DSCAM: variants seen among roughly 807,000 people sequenced by gnomAD.
DSCAM encodes the protein DS cell adhesion molecule, also known as cell adhesion molecule DSCAM.
DSCAM carries 47 observed loss-of-function variants against 217.7 expected under a neutral mutation model. That is an observed-to-expected ratio of 0.22 (90% confidence interval 0.17 to 0.28). The LOEUF (loss-of-function observed/expected upper bound fraction) is 0.28. DSCAM is among the 10% of genes least tolerant of loss of function. The pLI, the probability that DSCAM is intolerant of heterozygous loss-of-function variation, is 1.00. For synonymous variants in DSCAM, 1,056 were observed against 1,015.3 expected, an observed-to-expected ratio of 1.04 and a Z score of -0.76; for missense variants, 2,080 against 2,618.3, an observed-to-expected ratio of 0.79 and a Z score of 4.49.
chr21:40,271,627 C>A (rs979058574), intron 11 of DSCAM, among the ~76,000 whole-genome samples: 3 of 152,170 alleles, frequency 2.0e-5, no homozygotes, highest in African/African-American at 7.2e-5. Context: ...AAGCTGGGAA[C>A]TGGGTCACGC....
chr21:40,409,007 A>G (rs2075301156), intron 3 of DSCAM, among the ~76,000 whole-genome samples: 1 of 152,240 alleles, frequency 6.6e-6, no homozygotes, highest in East Asian at 1.9e-4. Flanking sequence ...AAATCACTAA[A>G]TATTTATTTG....
At chr21:40,828,796 C>T (rs1228220981) in intron 1 of DSCAM, among the ~76,000 whole-genome samples, 1 of 152,044 alleles carries the variant, frequency 6.6e-6, no homozygotes, top group African/African-American at 2.4e-5. Flanking sequence ...GCTGGGACTA[C>T]AGGCACATGC....
intron 14 of DSCAM, among the ~76,000 whole-genome samples, chr21:40,182,671 GGGGGGGGTTACCAGAGA>G: frequency 2.3e-5 from 1 of 43,804 alleles, no homozygotes; most frequent in South Asian, 8.9e-4. Context: ...ACCGTGGACA[GGGGGGGGTTACCAGAGA>G]AACCGTGGAC....
intron 3 of DSCAM, among the ~76,000 whole-genome samples, chr21:40,509,775 A>G (rs1430431450): frequency 6.6e-6 from 1 of 152,250 alleles, no homozygotes; most frequent in Admixed American, 6.5e-5. Context: ...GCATTCTGAA[A>G]CCAAACAAAA....
intron 15 of DSCAM, among the ~76,000 whole-genome samples, chr21:40,176,828 C>G (rs1363161285): frequency 6.6e-6 from 1 of 152,244 alleles, no homozygotes; most frequent in Non-Finnish European, 1.5e-5. Context: ...GGCAGCTGCC[C>G]TGCAGACCAG....
intron 30 of DSCAM, among the ~76,000 whole-genome samples, chr21:40,051,543 T>C (rs8133326): frequency 0.45 from 68,597 of 152,006 alleles, 15,901 homozygotes; most frequent in East Asian, 0.53. Context: ...AGTTTTCTCA[T>C]CTGCAGAATA....
rs188966758 is a variant in DSCAM, at chr21:40,751,478, C to A, written c.44-42707G>T. 2.1e-3 allele frequency among the ~76,000 whole-genome samples: 313 copies of A among 152,224 alleles called. 1 individual carries two copies. The highest frequency in any genetic ancestry group is 7.2e-3 in the African/African-American group (299 of 41,476). On this transcript the variant is annotated intron_variant, in intron 1 of 32. Coordinates refer to ENST00000400454, the MANE Select transcript of DSCAM (RefSeq NM_001389.5). ...AAAATTTATTTGTTGAATAAATGAA[C>A]AAACTACACACATCACCATGGATAA...
intron 11 of DSCAM, among the ~76,000 whole-genome samples, chr21:40,218,234 A>AT (rs762866974): frequency 7.2e-5 from 11 of 152,036 alleles, no homozygotes; most frequent in Non-Finnish European, 1.6e-4. Context: ...TCCTAGCACC[A>AT]TTTCTTGAAT....
At chr21:40,063,224 T>A (rs1029702134) in intron 27 of DSCAM, among the ~76,000 whole-genome samples, 27 of 152,318 alleles carry the variant, frequency 1.8e-4, no homozygotes, top group Admixed American at 1.0e-3. Context: ...AAAATTAACA[T>A]TTTGAGGGTA....
intron 4 of DSCAM, among the ~76,000 whole-genome samples, chr21:40,363,326 C>T (rs1370077562): frequency 7.0e-6 from 1 of 142,322 alleles, no homozygotes; most frequent in Non-Finnish European, 1.5e-5. Flanking sequence ...CATCTTGGCT[C>T]ACTGCAACCT....
At chr21:40,678,261 T>A (rs958228153) in intron 3 of DSCAM, among the ~76,000 whole-genome samples, 1 of 152,194 alleles carries the variant, frequency 6.6e-6, no homozygotes, top group African/African-American at 2.4e-5. Context: ...ATATAATTTT[T>A]AAAATGGCAA....
chr21:40,055,971 G>C (rs115204168), intron 28 of DSCAM, 131 bp from the exon 29 acceptor site: 1 of 574,868 alleles, frequency 1.7e-6, no homozygotes, highest in Non-Finnish European at 3.1e-6. Flanking sequence ...AACAGAAAAC[G>C]TACATACTAT....
intron 3 of DSCAM, among the ~76,000 whole-genome samples, chr21:40,668,321 G>A (rs917138885): frequency 6.6e-6 from 1 of 152,220 alleles, no homozygotes; most frequent in Non-Finnish European, 1.5e-5. Context: ...TACACACAAT[G>A]ACAGGCAGCA....
intron 15 of DSCAM, among the ~76,000 whole-genome samples, chr21:40,168,539 T>C (rs1262952912): frequency 6.6e-6 from 1 of 152,084 alleles, no homozygotes; most frequent in African/African-American, 2.4e-5. Context: ...TGTTTTTGGA[T>C]TGACAATTTT....
chr21:40,322,333 C>T (rs2074268438), intron 8 of DSCAM, among the ~76,000 whole-genome samples: 1 of 152,128 alleles, frequency 6.6e-6, no homozygotes, highest in Non-Finnish European at 1.5e-5. Flanking sequence ...ACAAGTATTA[C>T]CTGAATACAT....
intron 4 of DSCAM, among the ~76,000 whole-genome samples, chr21:40,360,713 AT>A (rs1212908058): frequency 6.6e-6 from 1 of 152,162 alleles, no homozygotes; most frequent in East Asian, 1.9e-4. Flanking sequence ...CCAATCTACC[AT>A]TGATGGACAC....
At chr21:40,573,378 T>C (rs1222491889) in intron 3 of DSCAM, among the ~76,000 whole-genome samples, 1 of 152,012 alleles carries the variant, frequency 6.6e-6, no homozygotes, top group Non-Finnish European at 1.5e-5. Context: ...TGAAAATAAA[T>C]AGCTTTAAAA....
chr21:40,064,653 C>T (rs967401411), intron 27 of DSCAM, among the ~76,000 whole-genome samples: 5 of 152,132 alleles, frequency 3.3e-5, no homozygotes, highest in South Asian at 2.1e-4. Context: ...GAGCATGGGA[C>T]GTGGGGAGCT....
chr21:40,619,981 A>G (rs1213465359), intron 3 of DSCAM, among the ~76,000 whole-genome samples: 2 of 142,636 alleles, frequency 1.4e-5, no homozygotes, highest in African/African-American at 5.5e-5. Context: ...AAGGAAAAGA[A>G]AAAGAAAGAG....
Sources: gnomAD v4.1 joint callset for allele counts (sites outside exome capture counted in the v4.1 genomes callset) on GRCh38, gnomAD v4.1.1 for gene constraint, MANE v1.5 for transcripts, NCBI Gene and HGNC (gene_info 2026-07-23, HGNC 2026-07-21) for gene names.